MCAM: variants seen among roughly 807,000 people sequenced by gnomAD.
MCAM encodes cell surface glycoprotein MUC18.
MCAM carries 55 observed loss-of-function variants against 79.1 expected under a neutral mutation model. That is an observed-to-expected ratio of 0.70 (90% CI 0.56 to 0.87). The LOEUF is 0.87. Among genes scored for constraint, MCAM ranks in the 40% least tolerant of loss-of-function variants. The pLI is 0.00. For synonymous variants in MCAM, 330 were observed against 339.8 expected, an observed-to-expected ratio of 0.97 and a Z score of 0.32; for missense variants, 745 against 839.8, an observed-to-expected ratio of 0.89 and a Z score of 1.40.
intron 15 of MCAM, 101 bp downstream of exon 15, chr11:119,310,244 CCTAT>C: frequency 1.2e-6 from 1 of 823,806 alleles, no homozygotes; most frequent in Non-Finnish European, 2.0e-6. Flanking sequence ...GGGCCTGCTC[CCTAT>C]CTCTGACAAA....
Position 119,309,871 on chromosome 11 carries a change from T to A in MCAM, c.*15A>T, listed in dbSNP as rs1261920684. 1 of 1,596,674 alleles carries A rather than the reference T, an allele frequency of 6.3e-7. No homozygotes were observed. Among genetic ancestry groups the A allele is most frequent in the Non-Finnish European group, 8.5e-7 (1 of 1,171,176 alleles). On this transcript the variant is annotated 3_prime_UTR_variant, in exon 16 of 16. Transcript: ENST00000264036. ...GAATGGTCCAGGCAGGGAAGGGAGC[T>A]GAAGTGATTCGGGGCTAATGCCTCA...
intron 15 of MCAM, 147 bp downstream of exon 15, chr11:119,310,202 C>T: frequency 1.5e-6 from 1 of 687,524 alleles, no homozygotes; most frequent in Admixed American, 2.3e-5. Context: ...CTTGGCCCTG[C>T]CATCTGTGAG....
chr11:119,314,419 G>A (rs1407350022), intron 5 of MCAM, 70 bp downstream of exon 5: 6 of 1,397,772 alleles, frequency 4.3e-6, no homozygotes, highest in African/African-American at 4.3e-5. Context: ...GCCTCCCAAA[G>A]CACCGAGATT....
At position 119,311,219 on chromosome 11, in the gene MCAM, G is replaced by T. The variant is rs751557924; in HGVS notation, c.1550-34C>A. On this transcript the variant is annotated intron_variant, in intron 12 of 15. Transcript: ENST00000264036. This position sits in a 1 kb window ranked among gnomAD's most constrained non-coding sequence, Gnocchi z 4.4. Reference sequence around the variant, plus strand: ...CAGAGGGAGGGGTGTTAGGAGAAGCGCAAGTTACTGCCCGTGCCTGGGCCT... The same window carrying T: ...CAGAGGGAGGGGTGTTAGGAGAAGCTCAAGTTACTGCCCGTGCCTGGGCCT... The T allele has an allele frequency of 6.2e-7, 1 of 1,613,124 alleles. No individual in the cohort carries two copies. The highest frequency in any genetic ancestry group is 8.5e-7 in the Non-Finnish European group (1 of 1,179,156).
Position 119,315,429 on chromosome 11 carries a change from C to T in MCAM, c.68-166G>A. On this transcript the variant is annotated intron_variant, in intron 1 of 15. Transcript: ENST00000264036. The surrounding 1 kb of genome is among the most constrained non-coding windows in gnomAD (Gnocchi z 4.4). ...ACCCCGACCCGCGCCCCACCTGGGC[C>T]AGCCCTCTCCCCGTCCAGGAGATCC... 1 of 795,320 alleles carries T rather than the reference C, an allele frequency of 1.3e-6. No individual in the cohort carries two copies. The highest frequency in any genetic ancestry group is 2.0e-6 in the Non-Finnish European group (1 of 512,230). 49.3% of individuals were successfully genotyped at this position (795,320 alleles called of 1,614,324 possible). A position where few individuals can be genotyped will look rare whatever the true frequency, so the allele number is the denominator to read the frequency against.
chr11:119,315,157 G>A lies in MCAM; in HGVS notation c.174C>T (p.Ser58=), dbSNP rs1475375040. 1 of 1,613,518 alleles carries A rather than the reference G, an allele frequency of 6.2e-7. No individual in the cohort carries two copies. The highest frequency in any genetic ancestry group is 1.7e-5 in the Admixed American group (1 of 60,020). ...CGLSQSQGNL[S]HVDWFSVHKE... The stretch of plus-strand genomic sequence containing the variant: ...CACTCACAGAAAACCAGTCGACATG[G>A]CTGAGGTTGCCTTGGGACTGGGAGA... Residue 58 remains serine (S), a synonymous_variant, in exon 2 of 16, where the codon AGC becomes AGT. Transcript: ENST00000264036. The surrounding 1 kb of genome is among the most constrained non-coding windows in gnomAD (Gnocchi z 4.4).
chr11:119,316,960 C>T lies in MCAM; in HGVS notation c.67+75G>A. 1 of 1,341,654 alleles carries T rather than the reference C, an allele frequency of 7.5e-7. No individual in the cohort carries two copies. The highest frequency in any genetic ancestry group is 1.0e-6 in the Non-Finnish European group (1 of 990,826). The allele number at this position is 1,341,654 out of a possible 1,614,324, so 83.1% of individuals were successfully genotyped here. ...GACGCAACGCCCCGACCCCGCCGCG[C>T]CGCTGGCTCTGCTCCCTGGCACGCT... On this transcript the variant is annotated intron_variant, in intron 1 of 15. Transcript: ENST00000264036. This position sits in a 1 kb window ranked among gnomAD's most constrained non-coding sequence, Gnocchi z 4.8.
chr11:119,310,098 G>A (rs1591280734), intron 15 of MCAM, 183 bp from the exon 16 acceptor site: 1 of 643,548 alleles, frequency 1.6e-6, no homozygotes, highest in African/African-American at 1.8e-5. Context: ...CTGCACTGGT[G>A]AAATGGCCAC....
Sources: allele counts gnomAD v4.1 joint callset, GRCh38; gene constraint gnomAD v4.1.1; non-coding constraint Gnocchi (gnomAD v3.1); transcripts MANE v1.5; gene names NCBI Gene and HGNC (gene_info 2026-07-23, HGNC 2026-07-21).